The following TENM2 variants were observed in gnomAD, a reference collection of about 807,000 sequenced individuals.
TENM2 encodes the protein teneurin-2.
Under a neutral mutation model 245.2 loss-of-function variants are expected in TENM2, and 52 were observed. That is an observed-to-expected ratio of 0.21 (90% CI 0.17 to 0.27). The LOEUF is 0.27. TENM2 is among the 10% of genes least tolerant of loss of function. The pLI, the probability that TENM2 is intolerant of heterozygous loss-of-function variation, is 1.00. For missense variants in TENM2, 3,046 were observed against 3,666.8 expected, an observed-to-expected ratio of 0.83 and a Z score of 4.37; for synonymous variants, 1,363 against 1,438.9, an observed-to-expected ratio of 0.95 and a Z score of 1.19.
At chr5:167,054,015 C>G in the TENM2 span, among the ~76,000 whole-genome samples, 1 of 152,132 alleles carries the variant, frequency 6.6e-6, no homozygotes, top group Non-Finnish European at 1.5e-5. Context: ...GCATTTGTTA[C>G]AATAGGCAAA....
chr5:167,638,484 A>G (rs1408468480), intron 2 of TENM2, among the ~76,000 whole-genome samples: 1 of 152,192 alleles, frequency 6.6e-6, no homozygotes, highest in Non-Finnish European at 1.5e-5. Flanking sequence ...GCTGAGCTTC[A>G]GCTGTATTTC....
the TENM2 span, among the ~76,000 whole-genome samples, chr5:167,233,745 C>T: frequency 7.7e-4 from 117 of 152,118 alleles, no homozygotes; most frequent in African/African-American, 2.7e-3. Context: ...AGTGACTCAA[C>T]AAAAATATCT....
At chr5:167,053,556 A>C in the TENM2 span, among the ~76,000 whole-genome samples, 1 of 152,180 alleles carries the variant, frequency 6.6e-6, no homozygotes, top group Non-Finnish European at 1.5e-5. Context: ...ATGTGTATCC[A>C]TGAACTTTTT....
At chr5:167,117,344 A>T in the TENM2 span, among the ~76,000 whole-genome samples, 1 of 152,132 alleles carries the variant, frequency 6.6e-6, no homozygotes, top group African/African-American at 2.4e-5. Flanking sequence ...TCTACTAAAA[A>T]TACAAAAAAT....
At chr5:167,225,376 G>A in the TENM2 span, among the ~76,000 whole-genome samples, 21 of 152,082 alleles carry the variant, frequency 1.4e-4, no homozygotes, top group East Asian at 5.8e-4. Flanking sequence ...ATTATGAAGC[G>A]ATGTTGTGTT....
At chr5:167,589,088 G>C (rs2127701416) in intron 2 of TENM2, among the ~76,000 whole-genome samples, 1 of 152,038 alleles carries the variant, frequency 6.6e-6, no homozygotes, top group Non-Finnish European at 1.5e-5. Context: ...TATAATCCCA[G>C]CTACTTGGGA....
At chr5:167,854,962 T>C (rs546395459) in intron 2 of TENM2, among the ~76,000 whole-genome samples, 1 of 152,294 alleles carries the variant, frequency 6.6e-6, no homozygotes, top group African/African-American at 2.4e-5. Flanking sequence ...CTGCATCCCT[T>C]GGGTTTGTTC....
At chr5:168,127,155 G>A (rs1359023580) in intron 12 of TENM2, among the ~76,000 whole-genome samples, 189 bp downstream of exon 14, 4 of 152,138 alleles carry the variant, frequency 2.6e-5, no homozygotes, top group East Asian at 1.9e-4. Flanking sequence ...CCAGGATTCC[G>A]AGTTGAAAGG....
intron 4 of TENM2, among the ~76,000 whole-genome samples, chr5:167,983,189 A>T (rs1782973664): frequency 1.3e-5 from 2 of 152,204 alleles, no homozygotes; most frequent in Non-Finnish European, 2.9e-5. Context: ...AGAAGAAAAA[A>T]AAAAAAGACT....
chr5:166,995,291 G>T, the TENM2 span, among the ~76,000 whole-genome samples: 1 of 151,564 alleles, frequency 6.6e-6, no homozygotes, highest in Non-Finnish European at 1.5e-5. Flanking sequence ...CCAGGCTGGA[G>T]TGCAGTGGCC....
the TENM2 span, among the ~76,000 whole-genome samples, chr5:167,232,246 C>T: frequency 8.1e-3 from 1,235 of 152,204 alleles, 9 homozygotes; most frequent in Non-Finnish European, 0.014. Context: ...AAGATGGCCA[C>T]GGTCCTCCAG....
At chr5:167,637,886 G>C (rs1003925681) in intron 2 of TENM2, among the ~76,000 whole-genome samples, 1 of 151,566 alleles carries the variant, frequency 6.6e-6, no homozygotes, top group Admixed American at 6.6e-5. Flanking sequence ...CCTAGATGAC[G>C]GTTTAATAGG....
rs540660097 is a variant in TENM2 at position 167,893,739 on chromosome 5, A to G, written c.712+17544A>G. Among the ~76,000 whole-genome samples, 188 of 152,208 alleles carry G rather than the reference A, an allele frequency of 1.2e-3. No homozygotes were observed. The Middle Eastern group carries it at 0.031, about 25-fold the overall frequency. ...AATTTCCAAACGCTTTTAAAACTAC[A>G]TAGTAGGACAATCATTCAAGTATGG... On this transcript the variant is annotated intron_variant, in intron 3 of 28. Transcript: ENST00000518659.
intron 2 of TENM2, among the ~76,000 whole-genome samples, chr5:167,500,124 A>T (rs567627914): frequency 1.3e-5 from 2 of 151,564 alleles, no homozygotes; most frequent in South Asian, 4.2e-4. Flanking sequence ...GAATGCCTGC[A>T]TTCTGAATTG....
intron 1 of TENM2, among the ~76,000 whole-genome samples, chr5:167,370,615 C>T (rs1760358923): frequency 6.6e-6 from 1 of 152,186 alleles, no homozygotes; most frequent in Non-Finnish European, 1.5e-5. Flanking sequence ...TGATAATGTA[C>T]CATGGGGCCA....
the TENM2 span, among the ~76,000 whole-genome samples, chr5:167,021,421 A>C: frequency 6.6e-6 from 1 of 152,336 alleles, no homozygotes; most frequent in Non-Finnish European, 1.5e-5. Context: ...ATTTCCCATT[A>C]CTTTGTAGAA....
intron 3 of TENM2, among the ~76,000 whole-genome samples, chr5:167,901,931 T>C (rs1561914751): frequency 6.6e-6 from 1 of 152,242 alleles, no homozygotes; most frequent in Non-Finnish European, 1.5e-5. Flanking sequence ...TTTTTATAAC[T>C]TTATATGTTG....
chr5:168,164,621 C>CCT (rs1165750484), intron 13 of TENM2, among the ~76,000 whole-genome samples: 1 of 152,138 alleles, frequency 6.6e-6, no homozygotes. Flanking sequence ...TCCCCATGTT[C>CCT]CTTCCTGATG....
chr5:167,713,526 C>G (rs1281265285), intron 2 of TENM2, among the ~76,000 whole-genome samples: 2 of 152,032 alleles, frequency 1.3e-5, no homozygotes, highest in African/African-American at 4.8e-5. Context: ...GAATGCTGAC[C>G]ACATGCACTT....
Sources: gnomAD v4.1 joint callset for allele counts (sites outside exome capture counted in the v4.1 genomes callset) on GRCh38, gnomAD v4.1.1 for gene constraint, MANE v1.5 for transcripts, NCBI Gene and HGNC (gene_info 2026-07-23, HGNC 2026-07-21) for gene names.